PCDH15: variants seen among roughly 807,000 people sequenced by gnomAD.
PCDH15 encodes protocadherin-15.
A neutral mutation model predicts 178.5 loss-of-function variants in PCDH15; 129 were observed. The observed-to-expected ratio is 0.72, with a 90% CI of 0.63 to 0.84. PCDH15 has a LOEUF of 0.84. PCDH15 is among the 40% of genes least tolerant of loss of function. The probability of loss-of-function intolerance (pLI) is 0.00; values close to 1 mark genes in which losing one functional copy is unlikely to be tolerated. For synonymous variants in PCDH15, 800 were observed against 732.0 expected (o/e 1.09, Z -1.50); for missense variants, 2,230 against 2,099.9 (o/e 1.06, Z -1.21).
intron 26 of PCDH15, among the ~76,000 whole-genome samples, chr10:53,878,797 T>C (rs1237911025): frequency 2.0e-5 from 3 of 152,132 alleles, no homozygotes; most frequent in Non-Finnish European, 4.4e-5. Context: ...CTTAAATGTC[T>C]ATAGAAGACT....
intron 3 of PCDH15, among the ~76,000 whole-genome samples, chr10:54,433,241 A>G (rs2136026481): frequency 6.6e-6 from 1 of 152,240 alleles, no homozygotes; most frequent in South Asian, 2.1e-4. Flanking sequence ...AAGAAAGAAA[A>G]TCAGTATATC....
At chr10:54,219,523 G>T (rs182373693) in intron 9 of PCDH15, among the ~76,000 whole-genome samples, 1 of 148,252 alleles carries the variant, frequency 6.7e-6, no homozygotes, top group Non-Finnish European at 1.5e-5. Flanking sequence ...AACCTGGGAG[G>T]TGGAGCTTGC....
At chr10:53,941,024 A>G (rs1285798008) in intron 23 of PCDH15, 49 bp from the exon 24 acceptor site, 11 of 1,310,984 alleles carry the variant, frequency 8.4e-6, no homozygotes, top group Non-Finnish European at 1.2e-5. Context: ...ATAATTTTTG[A>G]TGTAACTTTA....
At chr10:55,363,697 G>C (rs749182594) in intron 2 of PCDH15, among the ~76,000 whole-genome samples, 2 of 151,970 alleles carry the variant, frequency 1.3e-5, no homozygotes, top group Non-Finnish European at 2.9e-5. Context: ...GTGCAATGGC[G>C]CGATATCGGC....
At chr10:54,796,829 C>T (rs1564487994) in intron 1 of PCDH15, among the ~76,000 whole-genome samples, 1 of 151,976 alleles carries the variant, frequency 6.6e-6, no homozygotes, top group Non-Finnish European at 1.5e-5. Context: ...TAATAAAAAC[C>T]TCTCATCCAG....
chr10:54,082,564 T>G (rs2094450630), intron 16 of PCDH15, among the ~76,000 whole-genome samples: 1 of 152,144 alleles, frequency 6.6e-6, no homozygotes, highest in Non-Finnish European at 1.5e-5. Context: ...GTTAGACTAC[T>G]TCACTTCATA....
chr10:53,896,401 T>C (rs1256538500), intron 26 of PCDH15, among the ~76,000 whole-genome samples: 6 of 152,230 alleles, frequency 3.9e-5, no homozygotes, highest in African/African-American at 1.4e-4. Flanking sequence ...GTTCTTTCTA[T>C]ATTCTGGATA....
intron 25 of PCDH15, chr10:53,906,789 C>T (rs1051007208): frequency 1.6e-5 from 2 of 127,002 alleles, no homozygotes; most frequent in Admixed American, 9.4e-5. Flanking sequence ...TTTTACCCCA[C>T]CCCTTATTCC....
rs867024480 is a variant in PCDH15, at chr10:55,380,298, T to C, written c.-155-213647A>G. ...AAGAAATATGTGAAAACATTGGTTT[T>C]TAAGTCATAGTTTGAAGAATTTAAG... On this transcript the variant is annotated intron_variant, in intron 2 of 5. Transcript: ENST00000613346. Among the ~76,000 whole-genome samples, 7 of 152,160 alleles carry C rather than the reference T, an allele frequency of 4.6e-5. No homozygotes were observed. The South Asian group carries it at 1.5e-3, about 32-fold the overall frequency.
chr10:54,462,106 A>G (rs998061258), intron 3 of PCDH15, among the ~76,000 whole-genome samples: 1 of 152,078 alleles, frequency 6.6e-6, no homozygotes, highest in Non-Finnish European at 1.5e-5. Flanking sequence ...TCAGCTTTCA[A>G]TTTCTCATAC....
chr10:55,067,748 A>T (rs1922157), intron 2 of PCDH15, among the ~76,000 whole-genome samples: 5,078 of 151,648 alleles, frequency 0.033, 129 homozygotes, highest in Non-Finnish European at 0.05. Flanking sequence ...CTCTGCCAGC[A>T]TCTGTTACTT....
chr10:55,313,211 G>GA (rs35723810), intron 1 of PCDH15, among the ~76,000 whole-genome samples: 23 of 150,990 alleles, frequency 1.5e-4, no homozygotes, highest in African/African-American at 3.4e-4. Context: ...AGAAGATATT[G>GA]AAAAAAAACA....
rs552276458 is a variant in PCDH15, at chr10:55,550,098, C to T, written c.-156+77527G>A. ...TTTTTCTTGTTTTATACATGTCAATCTTTTTCTTACTCTTCATGTCTTGTG... is the reference window on the plus strand; with the variant it reads ...TTTTTCTTGTTTTATACATGTCAATTTTTTTCTTACTCTTCATGTCTTGTG... On this transcript the variant is annotated intron_variant, in intron 2 of 5. Coordinates refer to the PCDH15 transcript ENST00000613346. Among the ~76,000 whole-genome samples, 3 of 152,148 alleles carry T rather than the reference C, an allele frequency of 2.0e-5. No homozygotes were observed. The East Asian group carries it at 5.8e-4, about 29-fold the overall frequency.
At chr10:54,314,611 T>A (rs1365190474) in intron 8 of PCDH15, among the ~76,000 whole-genome samples, 8 of 152,056 alleles carry the variant, frequency 5.3e-5, no homozygotes, top group Non-Finnish European at 1.0e-4. Context: ...TGGGAGGTTG[T>A]TGTATAGATT....
intron 3 of PCDH15, among the ~76,000 whole-genome samples, chr10:54,459,806 A>C (rs112251707): frequency 0.015 from 2,217 of 152,204 alleles, 57 homozygotes; most frequent in African/African-American, 0.051. Flanking sequence ...AAGCAGATAT[A>C]GGAATAAACT....
At chr10:55,457,416 G>T (rs901360408) in intron 2 of PCDH15, among the ~76,000 whole-genome samples, 6 of 151,960 alleles carry the variant, frequency 3.9e-5, no homozygotes, top group African/African-American at 1.4e-4. Flanking sequence ...TACTTAGTGT[G>T]TCCATGTGTG....
chr10:54,334,072 G>T (rs909500930), intron 6 of PCDH15, among the ~76,000 whole-genome samples: 2 of 152,068 alleles, frequency 1.3e-5, no homozygotes, highest in Non-Finnish European at 2.9e-5. Context: ...GAATTTAAGT[G>T]CTGACTACCT....
At chr10:54,518,135 C>T (rs1043007867) in intron 3 of PCDH15, among the ~76,000 whole-genome samples, 15 of 152,096 alleles carry the variant, frequency 9.9e-5, no homozygotes, top group African/African-American at 3.4e-4. Context: ...GACACCCTAA[C>T]ATCACAATTA....
chr10:54,967,839 G>C (rs1019872977), intron 2 of PCDH15, among the ~76,000 whole-genome samples: 1 of 152,056 alleles, frequency 6.6e-6, no homozygotes, highest in Admixed American at 6.6e-5. Context: ...CCTCAACTTG[G>C]GGACAGTTAT....
Sources: allele counts gnomAD v4.1 joint callset (sites outside exome capture counted in the v4.1 genomes callset), GRCh38; gene constraint gnomAD v4.1.1; transcripts MANE v1.5; gene names NCBI Gene and HGNC (gene_info 2026-07-23, HGNC 2026-07-21).